The following KCNQ1 variants were observed in gnomAD, a reference collection of about 807,000 sequenced individuals.
The protein encoded by KCNQ1 is potassium voltage-gated channel subfamily Q member 1.
In KCNQ1, 49 loss-of-function variants were observed where a neutral mutation model predicts 72.4. The observed-to-expected ratio is 0.68, with a 90% CI of 0.54 to 0.86. The LOEUF (loss-of-function observed/expected upper bound fraction) is 0.86. KCNQ1 is among the 40% of genes least tolerant of loss of function. The probability of loss-of-function intolerance (pLI) is 0.00; values close to 1 mark genes in which losing one functional copy is unlikely to be tolerated. For synonymous variants in KCNQ1, 450 were observed against 412.6 expected, an observed-to-expected ratio of 1.09 and a Z score of -1.10; for missense variants, 790 against 945.1, an observed-to-expected ratio of 0.84 and a Z score of 2.15.
chr11:2,814,922 G>T (rs908191800), intron 15 of KCNQ1, among the ~76,000 whole-genome samples: 4 of 152,228 alleles, frequency 2.6e-5, no homozygotes, highest in African/African-American at 9.6e-5. Context: ...TGCCTCTGGA[G>T]CCTGGCCTGG....
intron 11 of KCNQ1, among the ~76,000 whole-genome samples, chr11:2,727,190 C>T (rs1340279191): frequency 6.6e-6 from 1 of 152,154 alleles, no homozygotes; most frequent in Non-Finnish European, 1.5e-5. Context: ...ACAGAGGCCT[C>T]AAAAGCTCAG....
intron 2 of KCNQ1, among the ~76,000 whole-genome samples, chr11:2,540,040 C>T (rs1472295128): frequency 5.3e-5 from 8 of 152,078 alleles, no homozygotes; most frequent in African/African-American, 1.2e-4. Context: ...TGGCACTGCA[C>T]GTGGGGCTCC....
chr11:2,533,077 C>T (rs532364335), intron 2 of KCNQ1, among the ~76,000 whole-genome samples: 2 of 152,242 alleles, frequency 1.3e-5, no homozygotes, highest in South Asian at 2.1e-4. Flanking sequence ...GGTGCAGGAC[C>T]CGCATGAGGG....
rs147278439 is a variant in KCNQ1, at chr11:2,733,857, C to CTCTCTCTCTCTCTCTCTCTCT, written c.1515-34987_1515-34986insTCTCTCTCTCTCTCTCTCTCT. 9.8e-4 allele frequency among the ~76,000 whole-genome samples: 75 copies of CTCTCTCTCTCTCTCTCTCTCT among 76,290 alleles called. 1 individual carries two copies. Among genetic ancestry groups the CTCTCTCTCTCTCTCTCTCTCT allele is most frequent in the African/African-American group, 1.9e-3 (32 of 16,452 alleles). 50.0% of individuals were successfully genotyped at this position (76,290 alleles called of 152,430 possible). ...TCTCTCTCTCTCTCTCTCTCTCTCTCCCCCCCCACTTCAGGGCCTTCGCGC... is the reference window on the plus strand; with the variant it reads ...TCTCTCTCTCTCTCTCTCTCTCTCTCTCTCTCTCTCTCTCTCTCTCTCCCCCCCACTTCAGGGCCTTCGCGC... On this transcript the variant is annotated intron_variant, in intron 11 of 15. Coordinates refer to ENST00000155840, the MANE Select transcript of KCNQ1 (RefSeq NM_000218.3).
Position 2,687,039 on chromosome 11 carries a change from C to T in KCNQ1, c.1514+24958C>T, listed in dbSNP as rs533589390. ...AGCTTAGGGCTAAAACTCAGCAGTCCCAGCTCTGGGGGACAAGGACCCACA... is the reference window on the plus strand; with the variant it reads ...AGCTTAGGGCTAAAACTCAGCAGTCTCAGCTCTGGGGGACAAGGACCCACA... On this transcript the variant is annotated intron_variant, in intron 11 of 15. Coordinates refer to ENST00000155840, the MANE Select transcript of KCNQ1 (RefSeq NM_000218.3). The surrounding 1 kb of genome is among the most constrained non-coding windows in gnomAD (Gnocchi z 5.0). The T allele has an allele frequency of 2.5e-6, 1 of 398,618 alleles. No homozygotes were observed. Among genetic ancestry groups the T allele is most frequent in the East Asian group, 3.6e-5 (1 of 28,078 alleles). The allele number at this position is 398,618 out of a possible 1,614,324, so 24.7% of individuals were successfully genotyped here.
rs1846522549 is a variant in KCNQ1, at chr11:2,767,642, G to T, written c.1515-1202G>T. ...GGATTGAGAGAGGTGGGGTTAATGT[G>T]ATGGAAAGTTGGCATTGCTTAGTTT... On this transcript the variant is annotated intron_variant, in intron 11 of 15. Transcript: ENST00000155840. The surrounding 1 kb of genome is among the most constrained non-coding windows in gnomAD (Gnocchi z 4.6). 6.6e-6 allele frequency among the ~76,000 whole-genome samples: 1 copy of T among 152,204 alleles called. No individual in the cohort carries two copies. The highest frequency in any genetic ancestry group is 2.4e-5 in the African/African-American group (1 of 41,438).
chr11:2,607,290 A>T (rs551335305), intron 10 of KCNQ1, among the ~76,000 whole-genome samples: 14 of 152,012 alleles, frequency 9.2e-5, no homozygotes, highest in Non-Finnish European at 1.6e-4. Flanking sequence ...TTCTCCCATC[A>T]TGGAAGGGTG....
chr11:2,699,395 C>G (rs1452159379), intron 11 of KCNQ1: 3 of 402,590 alleles, frequency 7.5e-6, no homozygotes, highest in Non-Finnish European at 8.7e-6. Context: ...TGTTCAAACC[C>G]TCCCAGAGAG....
intron 15 of KCNQ1, among the ~76,000 whole-genome samples, chr11:2,795,782 G>A (rs565484808): frequency 6.6e-6 from 1 of 152,176 alleles, no homozygotes; most frequent in Non-Finnish European, 1.5e-5. Context: ...CTTTCCCCGG[G>A]TCCATGAGGA....
rs529285243 is a variant in KCNQ1 at position 2,473,204 on chromosome 11, G to C, written c.386+27720G>C. On this transcript the variant is annotated intron_variant, in intron 1 of 15. Transcript: ENST00000155840. This position sits in a 1 kb window ranked among gnomAD's most constrained non-coding sequence, Gnocchi z 6.0. ...AGGACGGGCCAAGGAGAGCAGGCAA[G>C]AGAAGGGGTGGGGCTGGCAGGGAGG... Among the ~76,000 whole-genome samples the C allele has an allele frequency of 1.3e-5, 2 of 152,260 alleles. No homozygotes were observed. Among genetic ancestry groups the C allele is most frequent in the South Asian group, 4.1e-4 (2 of 4,826 alleles).
intron 10 of KCNQ1, among the ~76,000 whole-genome samples, chr11:2,594,680 A>T (rs545735155): frequency 2.0e-5 from 3 of 152,184 alleles, no homozygotes; most frequent in African/African-American, 7.2e-5. Flanking sequence ...ACCCACTGAG[A>T]CTTTCAGTTA....
At chr11:2,843,475 C>T (rs1848254213) in intron 15 of KCNQ1, among the ~76,000 whole-genome samples, 1 of 152,348 alleles carries the variant, frequency 6.6e-6, no homozygotes, top group Non-Finnish European at 1.5e-5. Flanking sequence ...CACTGCCCAA[C>T]AAGGATGCTA....
chr11:2,532,887 T>C (rs973604916), intron 2 of KCNQ1, among the ~76,000 whole-genome samples: 5 of 152,084 alleles, frequency 3.3e-5, no homozygotes, highest in Non-Finnish European at 5.9e-5. Flanking sequence ...TTGGGGGCGC[T>C]TCGGGGAGGT....
rs1847818289 is a variant in KCNQ1, at chr11:2,541,250, C to T, written c.477+13232C>T. ...CAAGTGTGTGCCGAGAGGCGCAGGCCAGCCCCTTTTCCTGGCGGGGTGATG... is the reference window on the plus strand; with the variant it reads ...CAAGTGTGTGCCGAGAGGCGCAGGCTAGCCCCTTTTCCTGGCGGGGTGATG... On this transcript the variant is annotated intron_variant, in intron 2 of 15. Coordinates refer to ENST00000155840, the MANE Select transcript of KCNQ1 (RefSeq NM_000218.3). The surrounding 1 kb of genome is among the most constrained non-coding windows in gnomAD (Gnocchi z 4.8). Among the ~76,000 whole-genome samples, 1 of 152,254 alleles carries T rather than the reference C, an allele frequency of 6.6e-6. No individual in the cohort carries two copies. Among genetic ancestry groups the T allele is most frequent in the Admixed American group, 6.5e-5 (1 of 15,288 alleles).
intron 10 of KCNQ1, chr11:2,644,161 G>T (rs943096650): frequency 4.5e-5 from 18 of 398,394 alleles, no homozygotes; most frequent in African/African-American, 3.5e-4. Context: ...AAGTGTTCAG[G>T]TATTATTTCA....
At position 2,676,224 on chromosome 11, in the gene KCNQ1, T is replaced by C. The variant is rs58956504; in HGVS notation, c.1514+14143T>C. 28,717 of 398,656 alleles carry C rather than the reference T, an allele frequency of 0.072. 1,166 individuals carry two copies. Among genetic ancestry groups the C allele is most frequent in the Middle Eastern group, 0.11 (168 of 1,588 alleles). 24.7% of individuals were successfully genotyped at this position (398,656 alleles called of 1,614,324 possible). ...TCTTTTTGAGCTGTACATACAATGC[T>C]GATTTATTATGGTGCAGTACATCTG... On this transcript the variant is annotated intron_variant, in intron 11 of 15. Transcript: ENST00000155840. This position sits in a 1 kb window ranked among gnomAD's most constrained non-coding sequence, Gnocchi z 4.2.
rs1271929222 is a variant in KCNQ1 at position 2,572,917 on chromosome 11, G to A, written c.852G>A (p.Glu284=). ...CCTCGTACTTTGTGTACCTGGCTGA[G>A]AAGGACGCGGTGAACGAGTCAGGCC... ...IFSSYFVYLA[E]KDAVNESGRV... Residue 284 remains glutamate, a synonymous_variant, in exon 6 of 16, where the codon GAG becomes GAA. Coordinates refer to ENST00000155840, the MANE Select transcript of KCNQ1 (RefSeq NM_000218.3). The A allele has an allele frequency of 1.2e-6, 2 of 1,613,850 alleles. No individual in the cohort carries two copies. The highest frequency in any genetic ancestry group is 1.7e-5 in the Admixed American group (1 of 60,026).
chr11:2,740,164 C>T (rs905439616), intron 11 of KCNQ1, among the ~76,000 whole-genome samples: 2 of 151,982 alleles, frequency 1.3e-5, no homozygotes, highest in African/African-American at 4.8e-5. Context: ...CTTTACCCCT[C>T]TGTGAGATGG....
At chr11:2,812,199 C>A (rs1028302603) in intron 15 of KCNQ1, among the ~76,000 whole-genome samples, 1 of 152,240 alleles carries the variant, frequency 6.6e-6, no homozygotes, top group Non-Finnish European at 1.5e-5. Flanking sequence ...CAGAAACACC[C>A]CTGAAACTTG....
Sources: gnomAD v4.1 joint callset for allele counts (sites outside exome capture counted in the v4.1 genomes callset) on GRCh38, gnomAD v4.1.1 for gene constraint, Gnocchi (gnomAD v3.1) non-coding constraint, MANE v1.5 for transcripts, NCBI Gene and HGNC (gene_info 2026-07-23, HGNC 2026-07-21) for gene names.